The following RPAP2 variants were observed in gnomAD, a reference collection of about 807,000 sequenced individuals.
The protein encoded by RPAP2 is putative RNA polymerase II subunit B1 CTD phosphatase RPAP2.
RPAP2 carries 52 observed loss-of-function variants against 73.1 expected under a neutral mutation model. The observed-to-expected ratio is 0.71, with a 90% CI of 0.57 to 0.90. RPAP2 has a LOEUF of 0.90. Among genes scored for constraint, RPAP2 ranks in the 40% least tolerant of loss-of-function variants. The pLI is 0.00. For missense variants in RPAP2, 598 were observed against 701.8 expected, an observed-to-expected ratio of 0.85 and a Z score of 1.67; for synonymous variants, 225 against 242.1, an observed-to-expected ratio of 0.93 and a Z score of 0.65.
intron 11 of RPAP2, among the ~76,000 whole-genome samples, chr1:92,360,494 C>T (rs1571123872): frequency 1.3e-5 from 2 of 152,060 alleles, no homozygotes; most frequent in African/African-American, 4.8e-5. Context: ...TCAGAAGATT[C>T]TCAGGATAGT....
At chr1:92,318,105 T>A (rs1168716715) in intron 6 of RPAP2, among the ~76,000 whole-genome samples, 1 of 152,236 alleles carries the variant, frequency 6.6e-6, no homozygotes, top group African/African-American at 2.4e-5. Flanking sequence ...TTTCTTGAGC[T>A]CTACAGTCAG....
rs1655957983 is a variant in RPAP2 at position 92,388,981 on chromosome 1, G to C, written c.*1970G>C. On this transcript the variant is annotated 3_prime_UTR_variant, in exon 13 of 13. Coordinates refer to ENST00000610020, the MANE Select transcript of RPAP2 (RefSeq NM_024813.3). ...GCAGGGCATATCTGAACAAAAGGCA[G>C]CAGACAGCTTCTCCAGACTTAAACG... The C allele has an allele frequency of 6.6e-6, 1 of 152,290 alleles. No homozygotes were observed. The highest frequency in any genetic ancestry group is 2.4e-5 in the African/African-American group (1 of 41,450). 9.4% of individuals were successfully genotyped at this position (152,290 alleles called of 1,614,324 possible).
intron 6 of RPAP2, among the ~76,000 whole-genome samples, chr1:92,310,640 G>A (rs931565006): frequency 5.3e-5 from 8 of 152,018 alleles, no homozygotes; most frequent in Admixed American, 3.9e-4. Flanking sequence ...ACTCACGCCC[G>A]TAATCCCAGC....
intron 11 of RPAP2, among the ~76,000 whole-genome samples, chr1:92,377,590 G>T (rs984632971): frequency 6.6e-6 from 1 of 152,024 alleles, no homozygotes; most frequent in Admixed American, 6.6e-5. Context: ...TAGACTGGGG[G>T]GGAACAGGTT....
chr1:92,323,794 T>A lies in RPAP2; in HGVS notation c.874T>A (p.Leu292Ile). The A allele has an allele frequency of 6.2e-7, 1 of 1,614,034 alleles. No individual in the cohort carries two copies. The highest frequency in any genetic ancestry group is 8.5e-7 in the Non-Finnish European group (1 of 1,179,966). ...GAAAGATGCTACATGTGAACTTCCT[T>A]TACAGAAAGTAAATACTCAGAGTTC... Reference protein sequence around the residue: ...QEKDATCELPLQKVNTQSSSN... With the variant: ...QEKDATCELPIQKVNTQSSSN... The change falls in exon 8 of 13, where the codon TTA becomes ATA. Residue 292 changes from leucine to isoleucine, a missense_variant. This residue lies in a region of RPAP2 where 506 missense variants were observed against 612.8 expected (regional missense o/e 0.83). Coordinates refer to ENST00000610020, the MANE Select transcript of RPAP2 (RefSeq NM_024813.3).
intron 2 of RPAP2, among the ~76,000 whole-genome samples, chr1:92,301,225 G>A (rs1028224403): frequency 1.3e-5 from 2 of 152,176 alleles, no homozygotes; most frequent in African/African-American, 2.4e-5. Flanking sequence ...GGCTTATGCC[G>A]GTGATCCCAG....
At chr1:92,313,336 G>A (rs1651707172) in intron 6 of RPAP2, among the ~76,000 whole-genome samples, 3 of 152,146 alleles carry the variant, frequency 2.0e-5, no homozygotes, top group Admixed American at 2.0e-4. Context: ...CTGCAGAATG[G>A]ATATTGTGTT....
intron 11 of RPAP2, among the ~76,000 whole-genome samples, chr1:92,375,981 CAG>C (rs1433086994): frequency 7.5e-6 from 1 of 132,886 alleles, no homozygotes; most frequent in African/African-American, 2.9e-5. Context: ...CCCTGGGTGA[CAG>C]AGTGAGACTC....
intron 7 of RPAP2, among the ~76,000 whole-genome samples, chr1:92,322,070 T>C (rs555207036): frequency 6.6e-6 from 1 of 150,710 alleles, no homozygotes; most frequent in Admixed American, 6.6e-5. Flanking sequence ...CTCAGCCTCC[T>C]GAGTAACTGG....
At chr1:92,369,323 G>A (rs571486945) in intron 11 of RPAP2, among the ~76,000 whole-genome samples, 1 of 152,170 alleles carries the variant, frequency 6.6e-6, no homozygotes, top group Non-Finnish European at 1.5e-5. Flanking sequence ...GGTCTGTCTC[G>A]CTGTTTCATC....
chr1:92,323,432 TTTCA>T lies in RPAP2; in HGVS notation c.525-9_525-6del. 6.6e-7 allele frequency: 1 copy of T among 1,523,794 alleles called. No homozygotes were observed. The allele number at this position is 1,523,794 out of a possible 1,614,324, so 94.4% of individuals were successfully genotyped here. A position where few individuals can be genotyped will look rare whatever the true frequency, so the allele number is the denominator to read the frequency against. On this transcript the variant is annotated splice_polypyrimidine_tract_variant and intron_variant, in intron 7 of 12. Coordinates refer to ENST00000610020, the MANE Select transcript of RPAP2 (RefSeq NM_024813.3). ...TTTTTATTTAGTTATTTTATTTCTC[TTTCA>T]TTCTACAGTGGCCATTCTGGAGAAG...
At chr1:92,383,171 G>T (rs1442988702) in intron 12 of RPAP2, among the ~76,000 whole-genome samples, 2 of 152,060 alleles carry the variant, frequency 1.3e-5, no homozygotes, top group Non-Finnish European at 2.9e-5. Context: ...GGTTACTGTA[G>T]CCTTGTAGTA....
chr1:92,301,810 G>A (rs1650876008), intron 3 of RPAP2, among the ~76,000 whole-genome samples: 1 of 152,104 alleles, frequency 6.6e-6, no homozygotes, highest in Non-Finnish European at 1.5e-5. Flanking sequence ...ACGTAACAAG[G>A]TGATGACACG....
In RPAP2 at chr1:92,301,706, A is replaced by C; in HGVS notation, c.234+116A>C. Reference sequence around the variant, plus strand: ...GAATTTGTTCTGAGTCATTAGATGCAGATAACAATCCATATAATTCATGCA... The same window carrying C: ...GAATTTGTTCTGAGTCATTAGATGCCGATAACAATCCATATAATTCATGCA... On this transcript the variant is annotated intron_variant, in intron 3 of 12. Transcript: ENST00000610020. 4 of 450,734 alleles carry C rather than the reference A, an allele frequency of 8.9e-6. No individual in the cohort carries two copies. In the Admixed American group the frequency reaches 1.3e-4, roughly 14 times the overall value. 27.9% of individuals were successfully genotyped at this position (450,734 alleles called of 1,614,324 possible).
At chr1:92,345,053 A>G (rs1466998454) in intron 10 of RPAP2, among the ~76,000 whole-genome samples, 1 of 152,156 alleles carries the variant, frequency 6.6e-6, no homozygotes, top group African/African-American at 2.4e-5. Flanking sequence ...TTTTTTAAAA[A>G]CTGAACTTTT....
chr1:92,383,151 A>G lies in RPAP2; in HGVS notation c.1838+2278A>G, dbSNP rs1179645848. ...ATATCTCTGTTTTGGTACCAGTACC[A>G]TGCTGTTTTGGTTACTGTAGCCTTG... On this transcript the variant is annotated intron_variant, in intron 12 of 12. Coordinates refer to ENST00000610020, the MANE Select transcript of RPAP2 (RefSeq NM_024813.3). Among the ~76,000 whole-genome samples, 3 of 152,304 alleles carry G rather than the reference A, an allele frequency of 2.0e-5. No individual in the cohort carries two copies. The East Asian group carries it at 5.8e-4, about 29-fold the overall frequency.
chr1:92,317,648 T>C (rs1415097818), intron 6 of RPAP2, among the ~76,000 whole-genome samples: 2 of 152,202 alleles, frequency 1.3e-5, no homozygotes, highest in East Asian at 1.9e-4. Flanking sequence ...AGTGTAAATA[T>C]ACTTCATGCT....
chr1:92,329,582 G>A (rs981813417), intron 8 of RPAP2, among the ~76,000 whole-genome samples: 3 of 152,144 alleles, frequency 2.0e-5, no homozygotes, highest in Non-Finnish European at 4.4e-5. Context: ...ATGTTTCTGC[G>A]GTAGTTCTTG....
chr1:92,340,331 C>T (rs1022292300), intron 10 of RPAP2, among the ~76,000 whole-genome samples: 3 of 152,120 alleles, frequency 2.0e-5, no homozygotes, highest in African/African-American at 4.8e-5. Context: ...TTCTGGACAA[C>T]GTTGGCAGGT....
Sources: gnomAD v4.1 joint callset for allele counts (sites outside exome capture counted in the v4.1 genomes callset) on GRCh38, gnomAD v4.1.1 for gene constraint, gnomAD v4.1.1 regional missense constraint, MANE v1.5 for transcripts, NCBI Gene and HGNC (gene_info 2026-07-23, HGNC 2026-07-21) for gene names.